Variants in SIK3 observed in about 807,000 individuals in gnomAD.
SIK3 encodes serine/threonine-protein kinase SIK3.
In SIK3, 28 loss-of-function variants were observed where a neutral mutation model predicts 144.2. That is an observed-to-expected ratio of 0.19 (90% CI 0.14 to 0.27). The LOEUF is 0.27. Among genes scored for constraint, SIK3 ranks in the 10% least tolerant of loss-of-function variants. The pLI, the probability that SIK3 is intolerant of heterozygous loss-of-function variation, is 1.00. For synonymous variants in SIK3, 686 were observed against 676.3 expected, an observed-to-expected ratio of 1.01 and a Z score of -0.22; for missense variants, 1,319 against 1,776.0, an observed-to-expected ratio of 0.74 and a Z score of 4.62.
chr11:116,990,013 C>T (rs1950448127), intron 1 of SIK3, among the ~76,000 whole-genome samples: 1 of 152,128 alleles, frequency 6.6e-6, no homozygotes, highest in African/African-American at 2.4e-5. Context: ...AGTCTGAAAA[C>T]AGTGGCAAAA....
At chr11:116,924,555 C>T (rs1307981252) in intron 4 of SIK3, among the ~76,000 whole-genome samples, 1 of 152,088 alleles carries the variant, frequency 6.6e-6, no homozygotes, top group Non-Finnish European at 1.5e-5. Context: ...TCAAAACACA[C>T]AAGACAAAGC....
In SIK3 at chr11:116,846,621, A is replaced by G; in HGVS notation, c.3953-68T>C. On this transcript the variant is annotated intron_variant, in intron 23 of 24. Transcript: ENST00000445177. This position sits in a 1 kb window ranked among gnomAD's most constrained non-coding sequence, Gnocchi z 4.1. ...GGGACTAGGAGAGCAAGGGGGAGAG[A>G]GAGGAGGAATTGAAGGCAACCTGTC... 1 of 1,585,526 alleles carries G rather than the reference A, an allele frequency of 6.3e-7. No individual in the cohort carries two copies. The highest frequency in any genetic ancestry group is 8.6e-7 in the Non-Finnish European group (1 of 1,159,880).
At chr11:116,886,059 C>A (rs1207145103) in intron 6 of SIK3, among the ~76,000 whole-genome samples, 3 of 152,134 alleles carry the variant, frequency 2.0e-5, no homozygotes, top group African/African-American at 7.2e-5. Flanking sequence ...TTGCCATAAG[C>A]CAGGAGACAG....
intron 6 of SIK3, among the ~76,000 whole-genome samples, chr11:116,877,776 T>G (rs370590495): frequency 2.7e-4 from 27 of 100,144 alleles, no homozygotes; most frequent in South Asian, 8.6e-4. Context: ...CCCTCTAAGT[T>G]TTCTCATCTA....
At chr11:117,044,615 G>GA (rs59607640) in intron 1 of SIK3, among the ~76,000 whole-genome samples, 24 of 133,174 alleles carry the variant, frequency 1.8e-4, no homozygotes, top group East Asian at 9.4e-4. Context: ...GTATCACCAA[G>GA]AAAAAAAAAA....
intron 1 of SIK3, among the ~76,000 whole-genome samples, chr11:117,092,042 C>A (rs1329104362): frequency 1.3e-5 from 2 of 152,150 alleles, no homozygotes; most frequent in African/African-American, 4.8e-5. Flanking sequence ...CTCATGCCCC[C>A]CCAAAGCACT....
intron 6 of SIK3, among the ~76,000 whole-genome samples, chr11:116,879,325 T>C (rs965047976): frequency 4.6e-5 from 7 of 152,236 alleles, no homozygotes; most frequent in Non-Finnish European, 1.0e-4. Flanking sequence ...TACCAAGCAC[T>C]GTGCTTACCA....
chr11:117,052,875 T>C (rs1953324435), intron 1 of SIK3, among the ~76,000 whole-genome samples: 1 of 152,216 alleles, frequency 6.6e-6, no homozygotes, highest in Admixed American at 6.5e-5. Flanking sequence ...TCCAGATGCA[T>C]GCTGCTGACT....
intron 1 of SIK3, among the ~76,000 whole-genome samples, chr11:117,083,417 A>T (rs1954871402): frequency 6.6e-6 from 1 of 152,206 alleles, no homozygotes; most frequent in African/African-American, 2.4e-5. Context: ...ATATTTAGGT[A>T]TAATATATGA....
intron 4 of SIK3, among the ~76,000 whole-genome samples, chr11:116,908,797 TG>T (rs1448663971): frequency 2.0e-5 from 3 of 152,178 alleles, no homozygotes; most frequent in Admixed American, 6.5e-5. Context: ...ATGGAGCAAG[TG>T]GAACTCTCAC....
At chr11:116,958,312 AG>A (rs1394745632) in intron 1 of SIK3, among the ~76,000 whole-genome samples, 4 of 152,242 alleles carry the variant, frequency 2.6e-5, no homozygotes, top group African/African-American at 4.8e-5. Flanking sequence ...CTGGCATAAA[AG>A]TAACTTTATC....
Position 116,847,350 on chromosome 11 carries a change from A to G in SIK3, c.3952+126T>C, listed in dbSNP as rs977180948. The G allele has an allele frequency of 4.5e-6, 6 of 1,334,578 alleles. No homozygotes were observed. In the African/African-American group the frequency reaches 8.7e-5, roughly 19 times the overall value. The allele number at this position is 1,334,578 out of a possible 1,614,324, so 82.7% of individuals were successfully genotyped here. A position where few individuals can be genotyped will look rare whatever the true frequency, so the allele number is the denominator to read the frequency against. On this transcript the variant is annotated intron_variant, in intron 23 of 24. Transcript: ENST00000445177. ...AGTGGGGAAAGGGGCTGTGTCCAGA[A>G]CCTGTGGGATGCTGTGGCTCTACCT...
At chr11:116,959,953 T>G (rs763857410) in intron 1 of SIK3, among the ~76,000 whole-genome samples, 4 of 152,190 alleles carry the variant, frequency 2.6e-5, no homozygotes, top group Non-Finnish European at 5.9e-5. Context: ...AAAGACATGA[T>G]AAATGTTTGG....
At chr11:117,056,209 G>T (rs1190286118) in intron 1 of SIK3, among the ~76,000 whole-genome samples, 1 of 152,184 alleles carries the variant, frequency 6.6e-6, no homozygotes, top group Non-Finnish European at 1.5e-5. Flanking sequence ...AAAAGGATGA[G>T]TTCATGTCCT....
intron 4 of SIK3, among the ~76,000 whole-genome samples, chr11:116,915,781 A>C (rs543618475): frequency 6.6e-6 from 1 of 152,346 alleles, no homozygotes; most frequent in African/African-American, 2.4e-5. Flanking sequence ...TATCATTTTT[A>C]TCCTCATCAA....
chr11:116,944,552 C>T (rs1412610024), intron 3 of SIK3, among the ~76,000 whole-genome samples: 1 of 152,156 alleles, frequency 6.6e-6, no homozygotes, highest in African/African-American at 2.4e-5. Context: ...GGGTACTGCT[C>T]TGTACACAAT....
intron 4 of SIK3, among the ~76,000 whole-genome samples, chr11:116,921,875 A>G (rs937148588): frequency 7.9e-5 from 12 of 152,236 alleles, no homozygotes; most frequent in Non-Finnish European, 1.6e-4. Flanking sequence ...AAAAATTCAT[A>G]AATAAGAATT....
chr11:116,857,663 C>A, intron 21 of SIK3, 147 bp downstream of exon 21: 1 of 1,383,846 alleles, frequency 7.2e-7, no homozygotes, highest in African/African-American at 1.5e-5. Flanking sequence ...TACCCACTTC[C>A]TACATGCTTC....
intron 1 of SIK3, among the ~76,000 whole-genome samples, chr11:117,053,936 C>A (rs1565598676): frequency 6.6e-6 from 1 of 152,080 alleles, no homozygotes; most frequent in Non-Finnish European, 1.5e-5. Flanking sequence ...TGTGAGCCAC[C>A]ACACCCAGCA....
Sources: gnomAD v4.1 joint callset for allele counts (sites outside exome capture counted in the v4.1 genomes callset) on GRCh38, gnomAD v4.1.1 for gene constraint, Gnocchi (gnomAD v3.1) non-coding constraint, MANE v1.5 for transcripts, NCBI Gene and HGNC (gene_info 2026-07-23, HGNC 2026-07-21) for gene names.